Variants in KATNIP observed in about 807,000 individuals in gnomAD.
KATNIP encodes the protein katanin interacting protein.
A neutral mutation model predicts 174.0 loss-of-function variants in KATNIP; 126 were observed. The ratio of observed to expected loss-of-function variants is 0.72; its 90% CI spans 0.63 to 0.84. The LOEUF (loss-of-function observed/expected upper bound fraction) is 0.84, where lower values mean the gene tolerates loss of function less well. KATNIP is among the 40% of genes least tolerant of loss of function. The probability of loss-of-function intolerance (pLI) is 0.00; values close to 1 mark genes in which losing one functional copy is unlikely to be tolerated. For synonymous variants in KATNIP, 810 were observed against 835.7 expected (o/e 0.97, Z 0.53); for missense variants, 1,958 against 2,109.7 (o/e 0.93, Z 1.41).
At chr16:27,755,250 G>T (rs2143902941) in intron 18 of KATNIP, 1 of 152,438 alleles carries the variant, frequency 6.6e-6, no homozygotes, top group East Asian at 1.9e-4. Context: ...AGCCCTTCCG[G>T]GACCTCCCCA....
At chr16:27,656,973 A>G (rs926141474) in intron 6 of KATNIP, among the ~76,000 whole-genome samples, 1 of 152,042 alleles carries the variant, frequency 6.6e-6, no homozygotes, top group Non-Finnish European at 1.5e-5. Flanking sequence ...CAATAAAGGC[A>G]GTGTGATGAG....
intron 13 of KATNIP, among the ~76,000 whole-genome samples, chr16:27,713,858 C>A (rs78553143): frequency 0.13 from 5,265 of 39,750 alleles, 456 homozygotes; most frequent in Middle Eastern, 0.2. Flanking sequence ...ATATATATAT[C>A]TATCTCAGAT....
chr16:27,619,539 C>T (rs1404982957), intron 3 of KATNIP, among the ~76,000 whole-genome samples: 1 of 152,096 alleles, frequency 6.6e-6, no homozygotes, highest in East Asian at 1.9e-4. Context: ...CATGTGACTT[C>T]AGCTCTGGTC....
In KATNIP at chr16:27,773,112, T is replaced by A; in HGVS notation, c.4212T>A (p.Phe1404Leu). 1 of 1,607,630 alleles carries A rather than the reference T, an allele frequency of 6.2e-7. No homozygotes were observed. Residue 1404 changes from phenylalanine (F) to leucine (L), a missense_variant, in exon 23 of 28, where the codon TTT becomes TTA. By Grantham distance (22) the Phe-to-Leu change is conservative. Transcript: ENST00000261588. ...PLMPCGFIFQ[F>L]QLLTSWGDPY... ...AAAGTGTCCCAGTCATTTTCCAGTT[T>A]CAGCTTCTCACCAGCTGGGGCGACC... is the stretch of plus-strand genomic sequence containing the variant.
intron 7 of KATNIP, among the ~76,000 whole-genome samples, chr16:27,679,743 C>A (rs952340883): frequency 1.4e-5 from 2 of 146,090 alleles, no homozygotes; most frequent in Non-Finnish European, 3.0e-5. Flanking sequence ...CAGAATGAGA[C>A]CCTCTCAAAA....
At chr16:27,611,342 C>T (rs2075882837) in intron 2 of KATNIP, among the ~76,000 whole-genome samples, 2 of 152,158 alleles carry the variant, frequency 1.3e-5, no homozygotes, top group South Asian at 4.1e-4. Flanking sequence ...GTTCTCACAC[C>T]TTTGCTGGGT....
At chr16:27,610,192 C>T (rs1302469866) in intron 2 of KATNIP, among the ~76,000 whole-genome samples, 9 of 152,116 alleles carry the variant, frequency 5.9e-5, no homozygotes, top group Non-Finnish European at 1.0e-4. Context: ...TCAGGCCCCC[C>T]AGGTGGCAGC....
chr16:27,600,732 C>CTTTTT (rs747524073), intron 2 of KATNIP, among the ~76,000 whole-genome samples: 1 of 142,382 alleles, frequency 7.0e-6, no homozygotes, highest in Admixed American at 7.1e-5. Context: ...GCTGCCTCCT[C>CTTTTT]TTTTTTTTTT....
intron 8 of KATNIP, among the ~76,000 whole-genome samples, chr16:27,686,069 A>AG (rs1215469157): frequency 6.6e-6 from 1 of 152,204 alleles, no homozygotes; most frequent in African/African-American, 2.4e-5. Context: ...GTTTAGGGTC[A>AG]GGGTTGTAGG....
In KATNIP at chr16:27,773,116, C is replaced by T; in HGVS notation, c.4216C>T (p.Leu1406Phe). The T allele has an allele frequency of 1.2e-6, 2 of 1,609,090 alleles. No homozygotes were observed. The highest frequency in any genetic ancestry group is 1.7e-6 in the Non-Finnish European group (2 of 1,177,406). ...MPCGFIFQFQ[L>F]LTSWGDPYYI... ...TGTCCCAGTCATTTTCCAGTTTCAG[C>T]TTCTCACCAGCTGGGGCGACCCCTA... Residue 1406 changes from leucine (L) to phenylalanine (F), a missense_variant, in exon 23 of 28, where the codon CTT (leucine) becomes TTT (phenylalanine). Physicochemically the swap from Leu to Phe is conservative, Grantham distance 22. Coordinates refer to ENST00000261588, the MANE Select transcript of KATNIP (RefSeq NM_015202.5).
intron 20 of KATNIP, among the ~76,000 whole-genome samples, chr16:27,769,580 G>A (rs757510772): frequency 1.1e-4 from 16 of 152,224 alleles, no homozygotes; most frequent in African/African-American, 3.4e-4. Context: ...GCCCCAGGCC[G>A]CTGCAGCTGT....
At position 27,576,390 on chromosome 16, in the gene KATNIP, G is replaced by T. The variant is rs191071937; in HGVS notation, c.63+2434G>T. ...CTTGGTTTCAGGCCTTTTGAAAAAAGGAGAGTGCTAACTCTCTTAACAGAG... is the reference window on the plus strand; with the variant it reads ...CTTGGTTTCAGGCCTTTTGAAAAAATGAGAGTGCTAACTCTCTTAACAGAG... On this transcript the variant is annotated intron_variant, in intron 2 of 27. Coordinates refer to ENST00000261588, the MANE Select transcript of KATNIP (RefSeq NM_015202.5). Among the ~76,000 whole-genome samples the T allele has an allele frequency of 3.1e-3, 472 of 152,106 alleles. 3 individuals carry two copies. Among genetic ancestry groups the T allele is most frequent in the Middle Eastern group, 6.8e-3 (2 of 294 alleles).
intron 8 of KATNIP, among the ~76,000 whole-genome samples, chr16:27,684,344 GC>G (rs1567298241): frequency 1.3e-5 from 2 of 152,084 alleles, no homozygotes; most frequent in Non-Finnish European, 1.5e-5. Context: ...TCCACTATAA[GC>G]CCCTCTTGTG....
chr16:27,662,771 C>T (rs2077566131), intron 6 of KATNIP, among the ~76,000 whole-genome samples: 1 of 152,078 alleles, frequency 6.6e-6, no homozygotes, highest in African/African-American at 2.4e-5. Context: ...TTATAGCCGA[C>T]CTAGAATTTC....
intron 8 of KATNIP, among the ~76,000 whole-genome samples, chr16:27,684,673 G>A (rs1038862432): frequency 6.6e-5 from 10 of 152,318 alleles, no homozygotes; most frequent in African/African-American, 1.9e-4. Context: ...GTGTTGGCAA[G>A]GGCCATTTTC....
intron 18 of KATNIP, among the ~76,000 whole-genome samples, chr16:27,760,220 G>A (rs1195962978): frequency 1.3e-5 from 2 of 152,148 alleles, no homozygotes; most frequent in East Asian, 3.9e-4. Context: ...TTCTGTGAAC[G>A]CTGCAAAGAG....
At chr16:27,619,619 C>T (rs1275579648) in intron 3 of KATNIP, among the ~76,000 whole-genome samples, 1 of 152,136 alleles carries the variant, frequency 6.6e-6, no homozygotes, top group Admixed American at 6.6e-5. Context: ...TTTTTGTAAT[C>T]TCACGAATTG....
At chr16:27,689,351 G>A (rs555190797) in intron 8 of KATNIP, among the ~76,000 whole-genome samples, 1 of 152,046 alleles carries the variant, frequency 6.6e-6, no homozygotes, top group African/African-American at 2.4e-5. Context: ...AGGAGGTGGA[G>A]GTTGCAGTGA....
At chr16:27,725,094 A>G (rs2143058402) in intron 14 of KATNIP, among the ~76,000 whole-genome samples, 1 of 152,362 alleles carries the variant, frequency 6.6e-6, no homozygotes. Flanking sequence ...AGCAGTGCAC[A>G]GAAGGCAGCA....
Sources: gnomAD v4.1 joint callset for allele counts (sites outside exome capture counted in the v4.1 genomes callset) on GRCh38, gnomAD v4.1.1 for gene constraint, MANE v1.5 for transcripts, NCBI Gene and HGNC (gene_info 2026-07-23, HGNC 2026-07-21) for gene names.